The following CRPPA variants were observed in gnomAD, a reference collection of about 807,000 sequenced individuals.
The protein encoded by CRPPA is CDP-L-ribitol pyrophosphorylase A.
In CRPPA, 43 loss-of-function variants were observed where a neutral mutation model predicts 52.0. The observed-to-expected ratio is 0.83, with a 90% CI of 0.65 to 1.07. The LOEUF is 1.07. Ranked by LOEUF, CRPPA falls within the 50% of genes least tolerant of loss-of-function variation. The probability of loss-of-function intolerance (pLI) is 0.00; values close to 1 mark genes in which losing one functional copy is unlikely to be tolerated. For synonymous variants in CRPPA, 250 were observed against 203.5 expected, an observed-to-expected ratio of 1.23 and a Z score of -1.94; for missense variants, 629 against 551.7, an observed-to-expected ratio of 1.14 and a Z score of -1.40.
chr7:16,107,310 A>G (rs1782176631), intron 9 of CRPPA, among the ~76,000 whole-genome samples: 1 of 152,194 alleles, frequency 6.6e-6, no homozygotes, highest in Non-Finnish European at 1.5e-5. Flanking sequence ...AAAGAAGTTC[A>G]TCAAGGCACA....
chr7:16,165,555 T>C (rs1781040440), intron 9 of CRPPA, among the ~76,000 whole-genome samples: 1 of 152,240 alleles, frequency 6.6e-6, no homozygotes, highest in Admixed American at 6.5e-5. Context: ...GCTATGTCTG[T>C]ATGGAAACAC....
At chr7:16,353,150 G>A (rs576635393) in intron 3 of CRPPA, among the ~76,000 whole-genome samples, 2 of 152,140 alleles carry the variant, frequency 1.3e-5, no homozygotes, top group East Asian at 3.9e-4. Context: ...GAGCCCAGGA[G>A]TTCGAGACCA....
chr7:16,116,490 C>G (rs533247213), intron 9 of CRPPA, among the ~76,000 whole-genome samples: 1 of 151,894 alleles, frequency 6.6e-6, no homozygotes, highest in Non-Finnish European at 1.5e-5. Flanking sequence ...CATGGCGAAA[C>G]CCCATCTCTA....
chr7:16,122,380 A>C (rs1782496307), intron 9 of CRPPA, among the ~76,000 whole-genome samples: 2 of 152,054 alleles, frequency 1.3e-5, no homozygotes, highest in Admixed American at 6.6e-5. Context: ...CAATGAAAAG[A>C]ATGAGAGACA....
At chr7:16,297,292 A>T (rs985497533) in intron 5 of CRPPA, among the ~76,000 whole-genome samples, 57 of 152,328 alleles carry the variant, frequency 3.7e-4, no homozygotes, top group Non-Finnish European at 4.7e-4. Flanking sequence ...GCATGAGTCC[A>T]ATGTCCTCCA....
Position 16,154,478 on chromosome 7 carries a change from T to A in CRPPA, c.1251+61588A>T, listed in dbSNP as rs1783136083. On this transcript the variant is annotated intron_variant, in intron 9 of 9. Coordinates refer to ENST00000407010, the MANE Select transcript of CRPPA (RefSeq NM_001101426.4). ...CTTGATTTCCCTCATGAATTATATG[T>A]TAAATGTGAGGAAATGCTTACAGAG... Among the ~76,000 whole-genome samples the A allele has an allele frequency of 2.0e-5, 3 of 152,122 alleles. No homozygotes were observed. The South Asian group carries it at 6.2e-4, about 32-fold the overall frequency.
chr7:16,149,778 G>A (rs533803415), intron 9 of CRPPA, among the ~76,000 whole-genome samples: 2 of 152,284 alleles, frequency 1.3e-5, no homozygotes, highest in Admixed American at 1.3e-4. Context: ...CTAAGCTCAG[G>A]AGTTTGCGAC....
Position 16,246,684 on chromosome 7 carries a change from A to T in CRPPA, c.1119+11706T>A, listed in dbSNP as rs113950558. ...ACTCCATCAAAGATCTTGGGTAACT[A>T]GGTACATTGTCAATAAGCAGTAATA... On this transcript the variant is annotated intron_variant, in intron 8 of 9. Transcript: ENST00000407010. Among the ~76,000 whole-genome samples the T allele has an allele frequency of 2.3e-3, 350 of 152,360 alleles. 1 individual carries two copies. The highest frequency in any genetic ancestry group is 8.1e-3 in the African/African-American group (336 of 41,582).
intron 9 of CRPPA, among the ~76,000 whole-genome samples, chr7:16,159,144 C>T (rs778787384): frequency 9.9e-5 from 15 of 152,132 alleles, no homozygotes; most frequent in African/African-American, 3.6e-4. Context: ...TGGCCGGGTG[C>T]GGTGGCTCAC....
intron 9 of CRPPA, among the ~76,000 whole-genome samples, chr7:16,207,392 G>A (rs747839284): frequency 3.9e-5 from 6 of 152,160 alleles, no homozygotes; most frequent in Non-Finnish European, 7.4e-5. Context: ...CTCCTACCTA[G>A]TTTCATTTCC....
chr7:16,401,586 G>C (rs540220705), intron 2 of CRPPA, among the ~76,000 whole-genome samples: 2 of 152,308 alleles, frequency 1.3e-5, no homozygotes, highest in East Asian at 3.9e-4. Flanking sequence ...TGTTGATGCA[G>C]TCTCATTTGA....
At chr7:16,395,724 A>C (rs1266429491) in intron 2 of CRPPA, among the ~76,000 whole-genome samples, 1 of 152,242 alleles carries the variant, frequency 6.6e-6, no homozygotes, top group African/African-American at 2.4e-5. Flanking sequence ...CTAAAATTTC[A>C]ATAGTACCAT....
intron 8 of CRPPA, among the ~76,000 whole-genome samples, chr7:16,238,644 G>A (rs1783015968): frequency 6.6e-6 from 1 of 152,144 alleles, no homozygotes; most frequent in Non-Finnish European, 1.5e-5. Flanking sequence ...AATAACCTAT[G>A]AGTCTTGTGA....
rs567141058 is a variant in CRPPA, at chr7:16,156,599, C to A, written c.1251+59467G>T. On this transcript the variant is annotated intron_variant, in intron 9 of 9. Transcript: ENST00000407010. ...ATCAGAGAAAAACTAAAAGACAAGG[C>A]ACAACTTATAAACAAATTTGTAAAA... is the stretch of plus-strand genomic sequence containing the variant. Among the ~76,000 whole-genome samples the A allele has an allele frequency of 3.3e-5, 5 of 152,198 alleles. No homozygotes were observed. In the East Asian group the frequency reaches 9.6e-4, roughly 29 times the overall value.
chr7:16,258,425 TA>T lies in CRPPA; in HGVS notation c.1083del (p.Ser361ArgfsTer21), dbSNP rs1783703318. 6.2e-7 allele frequency: 1 copy of T among 1,607,508 alleles called. No homozygotes were observed. ...TQKLLSMLEE[S>X]SLCILYPVVV... ...ACAACAGGATATAAAATGCAAAGAC[TA>T]CTCTCTTCAAGCATGCTCAGTAACT... On this transcript the variant is annotated frameshift_variant, in exon 8 of 10. Coordinates refer to ENST00000407010, the MANE Select transcript of CRPPA (RefSeq NM_001101426.4). LOFTEE classifies it high-confidence loss of function.
chr7:16,120,874 A>G (rs1290668140), intron 9 of CRPPA, among the ~76,000 whole-genome samples: 1 of 152,134 alleles, frequency 6.6e-6, no homozygotes, highest in East Asian at 1.9e-4. Context: ...AAAATACATT[A>G]TTTAAAGTGT....
intron 5 of CRPPA, among the ~76,000 whole-genome samples, chr7:16,300,049 T>G (rs1005047062): frequency 1.3e-5 from 2 of 152,192 alleles, no homozygotes; most frequent in African/African-American, 2.4e-5. Flanking sequence ...TTTTCCAGAG[T>G]AATGTTTACA....
At chr7:16,173,400 T>C (rs557594538) in intron 9 of CRPPA, among the ~76,000 whole-genome samples, 8 of 152,340 alleles carry the variant, frequency 5.3e-5, no homozygotes, top group African/African-American at 1.4e-4. Context: ...CAAGTATTGC[T>C]ACTCTCACCA....
chr7:16,393,861 A>T (rs1162376129), intron 2 of CRPPA, among the ~76,000 whole-genome samples: 1 of 152,128 alleles, frequency 6.6e-6, no homozygotes, highest in East Asian at 1.9e-4. Flanking sequence ...CTACAAGTCA[A>T]AAGCTTAAAA....
Sources: gnomAD v4.1 joint callset for allele counts (sites outside exome capture counted in the v4.1 genomes callset) on GRCh38, gnomAD v4.1.1 for gene constraint, MANE v1.5 for transcripts, NCBI Gene and HGNC (gene_info 2026-07-23, HGNC 2026-07-21) for gene names.